The following KCNK9 variants were observed in gnomAD, a reference collection of about 807,000 sequenced individuals.
KCNK9 encodes potassium channel subfamily K member 9.
KCNK9 carries 1 observed loss-of-function variant against 10.8 expected under a neutral mutation model. The ratio of observed to expected loss-of-function variants is 0.09; its 90% confidence interval spans 0.03 to 0.44. KCNK9 has a LOEUF of 0.44. Among genes scored for constraint, KCNK9 ranks in the 20% least tolerant of loss-of-function variants. KCNK9 has a pLI of 0.97. For synonymous variants in KCNK9, 231 were observed against 222.7 expected, an observed-to-expected ratio of 1.04 and a Z score of -0.33; for missense variants, 303 against 515.0, an observed-to-expected ratio of 0.59 and a Z score of 3.98.
downstream of KCNK9, chr8:139,612,333 T>C (rs1461237984): frequency 2.0e-5 from 3 of 152,236 alleles, no homozygotes; most frequent in African/African-American, 7.2e-5. Flanking sequence ...TCACAAAGTA[T>C]AGCCCTTAAT....
chr8:139,699,364 C>A (rs930043185), intron 1 of KCNK9, among the ~76,000 whole-genome samples: 1 of 152,290 alleles, frequency 6.6e-6, no homozygotes, highest in South Asian at 2.1e-4. Flanking sequence ...CCACCCCTGT[C>A]CAGACCCTGG....
At chr8:139,683,320 T>C (rs1228582291) in intron 1 of KCNK9, among the ~76,000 whole-genome samples, 1 of 152,130 alleles carries the variant, frequency 6.6e-6, no homozygotes, top group African/African-American at 2.4e-5. Flanking sequence ...GCTGGCAGCT[T>C]CCTCCTTCTC....
chr8:139,674,464 C>A lies in KCNK9; in HGVS notation c.283+28246G>T, dbSNP rs111638621. ...GGGGGCCAGGGCCAGGTGGGAGGGC[C>A]CCAGTGTCTCCTACAGCCTGTGTCT... is the stretch of plus-strand genomic sequence containing the variant. On this transcript the variant is annotated intron_variant, in intron 1 of 1. Transcript: ENST00000520439. 8.8e-3 allele frequency among the ~76,000 whole-genome samples: 1,345 copies of A among 152,260 alleles called. 17 individuals carry two copies. Among genetic ancestry groups the A allele is most frequent in the African/African-American group, 0.031 (1,285 of 41,552 alleles).
chr8:139,675,795 A>G (rs1156506351), intron 1 of KCNK9, among the ~76,000 whole-genome samples: 1 of 151,948 alleles, frequency 6.6e-6, no homozygotes, highest in African/African-American at 2.4e-5. Flanking sequence ...GTCAACCTTA[A>G]GGTCTCCTAG....
chr8:139,616,621 C>G (rs1309273466), downstream of KCNK9: 1 of 152,182 alleles, frequency 6.6e-6, no homozygotes. Context: ...TAGGTCTACT[C>G]TTTCTAGGGA....
chr8:139,605,310 T>C (rs887992477), intron 2 of KCNK9, among the ~76,000 whole-genome samples: 1 of 152,240 alleles, frequency 6.6e-6, no homozygotes, highest in Non-Finnish European at 1.5e-5. Flanking sequence ...TTGGTTTCAT[T>C]GCCTCCTGGA....
At chr8:139,601,189 A>ATT (rs1251708857) in exon 3 of KCNK9, 1 of 152,220 alleles carries the variant, frequency 6.6e-6, no homozygotes, top group African/African-American at 2.4e-5. Context: ...AGGCTGACTC[A>ATT]TTTGAGTTGC....
intron 1 of KCNK9, among the ~76,000 whole-genome samples, chr8:139,686,279 A>G (rs1342556673): frequency 6.6e-6 from 1 of 152,232 alleles, no homozygotes; most frequent in East Asian, 1.9e-4. Context: ...TAACTAAACT[A>G]AAGAGCTTCT....
At chr8:139,691,383 A>G (rs951899402) in intron 1 of KCNK9, among the ~76,000 whole-genome samples, 1 of 152,196 alleles carries the variant, frequency 6.6e-6, no homozygotes, top group African/African-American at 2.4e-5. Context: ...TAGTAAGAAC[A>G]TCAAAAACTT....
At chr8:139,692,594 A>G (rs150111935) in intron 1 of KCNK9, among the ~76,000 whole-genome samples, 65 of 152,310 alleles carry the variant, frequency 4.3e-4, no homozygotes, top group African/African-American at 1.5e-3. Context: ...AGAGCTCCTC[A>G]GCACTTGGGT....
rs953480555 is a variant in KCNK9 at position 139,628,161 on chromosome 8, G to A, written c.284-9062C>T. On this transcript the variant is annotated intron_variant, in intron 1 of 1. Transcript: ENST00000520439. ...AGCTGGGGTTGTAGGGGAGGAGGGC[G>A]GCAGGAGAGTGAGGCGAGTGGGGGT... Among the ~76,000 whole-genome samples the A allele has an allele frequency of 7.2e-5, 11 of 152,294 alleles. No individual in the cohort carries two copies. In the East Asian group the frequency reaches 7.7e-4, roughly 11 times the overall value.
intron 1 of KCNK9, among the ~76,000 whole-genome samples, chr8:139,655,124 C>G (rs947135954): frequency 1.3e-5 from 2 of 152,116 alleles, no homozygotes; most frequent in Admixed American, 1.3e-4. Context: ...CCCCACTCCC[C>G]TCCCTCAGAT....
intron 1 of KCNK9, among the ~76,000 whole-genome samples, chr8:139,631,290 T>C (rs1815164202): frequency 1.3e-5 from 2 of 152,248 alleles, no homozygotes; most frequent in Admixed American, 1.3e-4. Context: ...TACTGTGGGC[T>C]GGCGCTGGGC....
At chr8:139,607,408 G>C (rs565426522) in intron 2 of KCNK9, among the ~76,000 whole-genome samples, 1 of 152,218 alleles carries the variant, frequency 6.6e-6, no homozygotes, top group Non-Finnish European at 1.5e-5. Flanking sequence ...CTGGAGAAAC[G>C]GCTGAATCGG....
downstream of KCNK9, among the ~76,000 whole-genome samples, chr8:139,613,387 A>C (rs1477006815): frequency 6.6e-6 from 1 of 152,162 alleles, no homozygotes; most frequent in Non-Finnish European, 1.5e-5. Flanking sequence ...GTGGTCAAGA[A>C]AGAACCACAT....
chr8:139,662,256 G>A (rs752066307), intron 1 of KCNK9, among the ~76,000 whole-genome samples: 1 of 152,294 alleles, frequency 6.6e-6, no homozygotes, highest in South Asian at 2.1e-4. Context: ...TGGGAGGCTG[G>A]GGTCCTTCCT....
intron 1 of KCNK9, among the ~76,000 whole-genome samples, chr8:139,630,085 G>A (rs551277373): frequency 0.01 from 1,553 of 152,128 alleles, 22 homozygotes; most frequent in African/African-American, 0.035. Context: ...GGGGCGGCGC[G>A]AAAGGGTAAG....
At chr8:139,622,173 C>T (rs1025573969) in intron 1 of KCNK9, among the ~76,000 whole-genome samples, 8 of 152,184 alleles carry the variant, frequency 5.3e-5, no homozygotes, top group African/African-American at 1.4e-4. Context: ...CTTGGTAAGA[C>T]ACGTGCATGA....
At chr8:139,652,652 C>G (rs549334882) in intron 1 of KCNK9, among the ~76,000 whole-genome samples, 1 of 152,040 alleles carries the variant, frequency 6.6e-6, no homozygotes, top group Non-Finnish European at 1.5e-5. Flanking sequence ...TTCTGCCTTC[C>G]GAATGGGGGA....
Sources: allele counts gnomAD v4.1 joint callset (sites outside exome capture counted in the v4.1 genomes callset), GRCh38; gene constraint gnomAD v4.1.1; transcripts MANE v1.5; gene names NCBI Gene and HGNC (gene_info 2026-07-23, HGNC 2026-07-21).